Variants in LRRTM4 observed in about 807,000 individuals in gnomAD.
LRRTM4 encodes leucine-rich repeat transmembrane neuronal protein 4.
Under a neutral mutation model 47.6 loss-of-function variants are expected in LRRTM4, and 25 were observed. The observed-to-expected ratio is 0.53, with a 90% CI of 0.38 to 0.73. The LOEUF is 0.73. Ranked by LOEUF, LRRTM4 falls within the 30% of genes least tolerant of loss-of-function variation. The pLI, the probability that LRRTM4 is intolerant of heterozygous loss-of-function variation, is 0.00. For synonymous variants in LRRTM4, 311 were observed against 269.5 expected, an observed-to-expected ratio of 1.15 and a Z score of -1.51; for missense variants, 638 against 713.4, an observed-to-expected ratio of 0.89 and a Z score of 1.20.
intron 3 of LRRTM4, among the ~76,000 whole-genome samples, chr2:77,067,960 A>T (rs1014184291): frequency 4.6e-5 from 7 of 152,182 alleles, no homozygotes; most frequent in African/African-American, 1.7e-4. Flanking sequence ...AAATAAATTG[A>T]AAGTAAATTG....
chr2:77,169,507 T>C (rs1440537763), intron 3 of LRRTM4, among the ~76,000 whole-genome samples: 2 of 152,164 alleles, frequency 1.3e-5, no homozygotes, highest in African/African-American at 2.4e-5. Context: ...GAGTTGGGTC[T>C]GTTAAGAAGT....
intron 3 of LRRTM4, among the ~76,000 whole-genome samples, chr2:76,843,654 G>C (rs535908297): frequency 1.1e-3 from 174 of 152,228 alleles, no homozygotes; most frequent in Non-Finnish European, 1.8e-3. Context: ...ACAATAAACA[G>C]ACAAAATAAT....
At chr2:77,360,187 G>A (rs1035369428) in intron 3 of LRRTM4, among the ~76,000 whole-genome samples, 21 of 152,130 alleles carry the variant, frequency 1.4e-4, no homozygotes, top group Admixed American at 1.4e-3. Context: ...GCCGGGAACA[G>A]TGGCTCACGC....
chr2:77,127,052 A>AT (rs1300529544), intron 3 of LRRTM4, among the ~76,000 whole-genome samples: 1 of 152,062 alleles, frequency 6.6e-6, no homozygotes, highest in Non-Finnish European at 1.5e-5. Context: ...CATGCTTAAT[A>AT]TTTTTTTATC....
At chr2:77,432,829 A>G (rs1213672523) in intron 3 of LRRTM4, among the ~76,000 whole-genome samples, 1 of 152,226 alleles carries the variant, frequency 6.6e-6, no homozygotes, top group Non-Finnish European at 1.5e-5. Context: ...GCTGAAACAG[A>G]TATGTAAACA....
At chr2:77,234,086 C>G (rs1375416458) in intron 3 of LRRTM4, among the ~76,000 whole-genome samples, 2 of 152,142 alleles carry the variant, frequency 1.3e-5, no homozygotes, top group South Asian at 4.1e-4. Context: ...CTCACACTGA[C>G]TTATTTCTTA....
chr2:76,807,396 A>ATG (rs1670523372), intron 3 of LRRTM4, among the ~76,000 whole-genome samples: 1 of 121,624 alleles, frequency 8.2e-6, no homozygotes, highest in South Asian at 2.5e-4. Flanking sequence ...ATATATATAT[A>ATG]TATGTATATA....
Position 77,360,010 on chromosome 2 carries a change from T to TA in LRRTM4, c.1551+158307dup, listed in dbSNP as rs200013319. On this transcript the variant is annotated intron_variant, in intron 3 of 3. Transcript: ENST00000409884. ...GAAGTCTTCTCTGAATTCTTTTTTT[T>TA]AAAAAAAGTATATTTGTTAATATAT... 1.1e-3 allele frequency among the ~76,000 whole-genome samples: 170 copies of TA among 152,248 alleles called. 3 individuals carry two copies. Among genetic ancestry groups the TA allele is most frequent in the East Asian group, 9.7e-3 (50 of 5,170 alleles).
At chr2:77,226,935 CCTCT>C (rs1674831112) in intron 3 of LRRTM4, among the ~76,000 whole-genome samples, 1 of 151,894 alleles carries the variant, frequency 6.6e-6, no homozygotes, top group East Asian at 1.9e-4. Flanking sequence ...ACATCCAATA[CCTCT>C]CTCTCTGTGC....
intron 3 of LRRTM4, among the ~76,000 whole-genome samples, chr2:77,309,306 A>G (rs1377644022): frequency 3.3e-5 from 5 of 152,192 alleles, no homozygotes; most frequent in African/African-American, 1.2e-4. Flanking sequence ...CTTAAGACTC[A>G]GGAAACGTGA....
intron 3 of LRRTM4, among the ~76,000 whole-genome samples, chr2:76,859,983 G>T (rs1345954549): frequency 1.3e-5 from 2 of 152,010 alleles, no homozygotes; most frequent in Non-Finnish European, 2.9e-5. Context: ...TGCATCAAAA[G>T]TACCATTTCT....
At chr2:77,185,334 C>A (rs1379130367) in intron 3 of LRRTM4, among the ~76,000 whole-genome samples, 4 of 152,152 alleles carry the variant, frequency 2.6e-5, no homozygotes, top group African/African-American at 2.4e-5. Flanking sequence ...GGCCATAGAT[C>A]AAAGTTGATT....
chr2:77,095,375 C>T (rs72911822), intron 3 of LRRTM4, among the ~76,000 whole-genome samples: 1,722 of 152,150 alleles, frequency 0.011, 46 homozygotes, highest in African/African-American at 0.04. Context: ...CTCAAATTAC[C>T]ATATGATCCA....
At chr2:76,843,260 A>G (rs1161649746) in intron 3 of LRRTM4, among the ~76,000 whole-genome samples, 2 of 152,266 alleles carry the variant, frequency 1.3e-5, no homozygotes, top group South Asian at 2.1e-4. Flanking sequence ...AAGTTTGTCC[A>G]GGGTCTATTC....
chr2:76,926,737 G>A (rs1674600614), intron 3 of LRRTM4, among the ~76,000 whole-genome samples: 1 of 152,064 alleles, frequency 6.6e-6, no homozygotes, highest in Non-Finnish European at 1.5e-5. Flanking sequence ...CCAGATGCCA[G>A]CCACTCTTTC....
intron 3 of LRRTM4, among the ~76,000 whole-genome samples, chr2:77,099,800 C>A (rs1670903998): frequency 6.6e-6 from 1 of 151,758 alleles, no homozygotes; most frequent in Non-Finnish European, 1.5e-5. Context: ...TATTAATCTT[C>A]AAAGTATTTG....
intron 3 of LRRTM4, among the ~76,000 whole-genome samples, chr2:77,276,415 G>A (rs1676355178): frequency 2.1e-5 from 3 of 145,950 alleles, no homozygotes; most frequent in East Asian, 2.0e-4. Flanking sequence ...AAAGAAGGAA[G>A]GAGAAAAAGA....
chr2:77,299,366 T>C (rs1260455778), intron 3 of LRRTM4, among the ~76,000 whole-genome samples: 1 of 150,354 alleles, frequency 6.7e-6, no homozygotes, highest in Non-Finnish European at 1.5e-5. Flanking sequence ...TATATGTGTG[T>C]ATATATATAC....
chr2:76,962,531 A>G lies in LRRTM4; in HGVS notation c.1552-213615T>C, dbSNP rs1418583945. On this transcript the variant is annotated intron_variant, in intron 3 of 3. Transcript: ENST00000409884. ...AGTGTATTTTTTTTTGTCTAGGGAG[A>G]GAAACAATATAAATAGCTGAACTTT... Among the ~76,000 whole-genome samples the G allele has an allele frequency of 2.7e-5, 4 of 150,814 alleles. No homozygotes were observed. The Admixed American group carries it at 2.7e-4, about 10-fold the overall frequency.
Sources: allele counts gnomAD v4.1 joint callset (sites outside exome capture counted in the v4.1 genomes callset), GRCh38; gene constraint gnomAD v4.1.1; transcripts MANE v1.5; gene names NCBI Gene and HGNC (gene_info 2026-07-23, HGNC 2026-07-21).